PKNOX2: variants seen among roughly 807,000 people sequenced by gnomAD.
PKNOX2 encodes the protein homeobox protein PKNOX2.
Under a neutral mutation model 53.1 loss-of-function variants are expected in PKNOX2, and 14 were observed. The observed-to-expected ratio is 0.26, with a 90% CI of 0.17 to 0.41. The LOEUF is 0.41. PKNOX2 is among the 10% of genes least tolerant of loss of function. The pLI is 1.00. For synonymous variants in PKNOX2, 257 were observed against 242.8 expected (o/e 1.06, Z -0.54); for missense variants, 496 against 602.8 (o/e 0.82, Z 1.85).
At chr11:125,201,139 G>C (rs1021305640) in intron 1 of PKNOX2, among the ~76,000 whole-genome samples, 2 of 152,124 alleles carry the variant, frequency 1.3e-5, no homozygotes, top group African/African-American at 4.8e-5. Context: ...AACCCTTTCT[G>C]ACCTGAGAGC....
At chr11:125,325,169 C>T (rs1274308547) in intron 2 of PKNOX2, among the ~76,000 whole-genome samples, 1 of 152,174 alleles carries the variant, frequency 6.6e-6, no homozygotes, top group Non-Finnish European at 1.5e-5. Context: ...GCCCCTTTCT[C>T]CAGAAAGAAA....
At chr11:125,168,106 A>C (rs1266491353) in intron 1 of PKNOX2, among the ~76,000 whole-genome samples, 1 of 152,164 alleles carries the variant, frequency 6.6e-6, no homozygotes, top group Non-Finnish European at 1.5e-5. Context: ...GCCAATTCAA[A>C]CTGCAACTAA....
At chr11:125,384,389 T>C (rs1283528212) in intron 5 of PKNOX2, among the ~76,000 whole-genome samples, 2 of 152,086 alleles carry the variant, frequency 1.3e-5, no homozygotes, top group African/African-American at 4.8e-5. Flanking sequence ...ATCTCCAAGA[T>C]AAAATCCATA....
chr11:125,376,152 G>A (rs1160887312), intron 5 of PKNOX2, among the ~76,000 whole-genome samples: 2 of 152,182 alleles, frequency 1.3e-5, no homozygotes, highest in Non-Finnish European at 2.9e-5. Context: ...CCTGCCCTGG[G>A]CCCCACACTT....
intron 11 of PKNOX2, among the ~76,000 whole-genome samples, chr11:125,429,553 CTG>C (rs1241150548): frequency 1.3e-5 from 2 of 152,220 alleles, no homozygotes; most frequent in African/African-American, 4.8e-5. Flanking sequence ...TTCCCAGTCT[CTG>C]TGCCTGGCTG....
In PKNOX2 at chr11:125,405,198, G is replaced by T. The variant is rs576018779; in HGVS notation, c.589-4998G>T. On this transcript the variant is annotated intron_variant, in intron 7 of 12. Transcript: ENST00000298282. ...ACAGTCCTCAGCTGGAAGGATCTTT[G>T]CCAGGCCATCCCGTTCATTCCCCTG... 2.0e-5 allele frequency among the ~76,000 whole-genome samples: 3 copies of T among 152,326 alleles called. No individual in the cohort carries two copies. In the South Asian group the frequency reaches 6.2e-4, roughly 32 times the overall value.
chr11:125,378,389 A>G (rs1035526890), intron 5 of PKNOX2, among the ~76,000 whole-genome samples: 3 of 152,168 alleles, frequency 2.0e-5, no homozygotes, highest in Admixed American at 2.0e-4. Context: ...CCACCAAAAA[A>G]TCTTGTTCTC....
At chr11:125,296,304 C>G (rs1947651541) in intron 2 of PKNOX2, among the ~76,000 whole-genome samples, 1 of 152,196 alleles carries the variant, frequency 6.6e-6, no homozygotes, top group Admixed American at 6.5e-5. Flanking sequence ...CACTCAAAGT[C>G]TACTCCATAG....
intron 2 of PKNOX2, among the ~76,000 whole-genome samples, chr11:125,246,939 A>G (rs1256803552): frequency 6.6e-6 from 1 of 152,162 alleles, no homozygotes; most frequent in African/African-American, 2.4e-5. Context: ...GCATCTCAGC[A>G]TGTGACACTG....
chr11:125,353,857 A>G (rs1767845133), intron 4 of PKNOX2, among the ~76,000 whole-genome samples: 1 of 152,078 alleles, frequency 6.6e-6, no homozygotes, highest in Non-Finnish European at 1.5e-5. Flanking sequence ...GCCTTCCCCA[A>G]GCTGAGCTGG....
At chr11:125,391,848 A>G (rs982229809) in intron 6 of PKNOX2, among the ~76,000 whole-genome samples, 2 of 152,224 alleles carry the variant, frequency 1.3e-5, no homozygotes, top group Non-Finnish European at 2.9e-5. Flanking sequence ...TTAAGGATGC[A>G]TTCACCACAT....
chr11:125,210,832 C>T (rs1440681253), intron 1 of PKNOX2, among the ~76,000 whole-genome samples: 1 of 152,076 alleles, frequency 6.6e-6, no homozygotes, highest in East Asian at 1.9e-4. Flanking sequence ...GTGTCCTTTA[C>T]AGGGGTAAAA....
At position 125,421,164 on chromosome 11, in the gene PKNOX2, T is replaced by C. The variant is rs369129781; in HGVS notation, c.937-7848T>C. The stretch of plus-strand genomic sequence containing the variant: ...ATCATGTAATTGGGGAAATAAATGA[T>C]AGACATAAGCCAGGAGAGGTCAACC... On this transcript the variant is annotated intron_variant, in intron 10 of 12. Coordinates refer to ENST00000298282, the MANE Select transcript of PKNOX2 (RefSeq NM_001382323.2). 2.0e-5 allele frequency among the ~76,000 whole-genome samples: 3 copies of C among 152,302 alleles called. No homozygotes were observed. The East Asian group carries it at 5.8e-4, about 29-fold the overall frequency.
chr11:125,427,339 T>A (rs1485486573), intron 10 of PKNOX2, among the ~76,000 whole-genome samples: 1 of 152,208 alleles, frequency 6.6e-6, no homozygotes, highest in East Asian at 1.9e-4. Flanking sequence ...CCAGCTGCCT[T>A]GGCATGGTGG....
At chr11:125,201,280 G>A (rs780619747) in intron 1 of PKNOX2, among the ~76,000 whole-genome samples, 2 of 152,090 alleles carry the variant, frequency 1.3e-5, no homozygotes, top group African/African-American at 4.8e-5. Context: ...TCTGAGTGAA[G>A]CCCCCTCACT....
chr11:125,384,048 G>A (rs1953444666), intron 5 of PKNOX2, among the ~76,000 whole-genome samples: 1 of 152,228 alleles, frequency 6.6e-6, no homozygotes, highest in Non-Finnish European at 1.5e-5. Flanking sequence ...TGCAGTGGAA[G>A]GGAATGGGAC....
At chr11:125,308,062 G>C (rs1344311252) in intron 2 of PKNOX2, among the ~76,000 whole-genome samples, 1 of 152,232 alleles carries the variant, frequency 6.6e-6, no homozygotes, top group African/African-American at 2.4e-5. Flanking sequence ...GCACAGAGAT[G>C]ATTGGAGACG....
At position 125,360,171 on chromosome 11, in the gene PKNOX2, A is replaced by G. The variant is rs1025576867; in HGVS notation, c.88-7675A>G. 3.9e-5 allele frequency among the ~76,000 whole-genome samples: 6 copies of G among 152,132 alleles called. No homozygotes were observed. The East Asian group carries it at 7.7e-4, about 20-fold the overall frequency. On this transcript the variant is annotated intron_variant, in intron 4 of 12. Coordinates refer to ENST00000298282, the MANE Select transcript of PKNOX2 (RefSeq NM_001382323.2). ...CAAAAAAAAAAAAAAGAAAAAGGAA[A>G]AAAAGGAGTGTCTGTGCTGAGAAGG... is the stretch of plus-strand genomic sequence containing the variant.
chr11:125,400,800 T>C (rs751672850), intron 7 of PKNOX2, among the ~76,000 whole-genome samples: 18 of 152,200 alleles, frequency 1.2e-4, no homozygotes, highest in Admixed American at 2.6e-4. Context: ...CTTTATATTA[T>C]AGATCCCTGT....
Sources: allele counts gnomAD v4.1 joint callset (sites outside exome capture counted in the v4.1 genomes callset), GRCh38; gene constraint gnomAD v4.1.1; transcripts MANE v1.5; gene names NCBI Gene and HGNC (gene_info 2026-07-23, HGNC 2026-07-21).